Variants in BAG4 observed in about 807,000 individuals in gnomAD.
The protein encoded by BAG4 is BAG cochaperone 4, also known as BAG family molecular chaperone regulator 4.
Under a neutral mutation model 52.1 loss-of-function variants are expected in BAG4, and 28 were observed. The ratio of observed to expected loss-of-function variants is 0.54; its 90% CI spans 0.40 to 0.74. BAG4 has a LOEUF of 0.74. BAG4 is among the 30% of genes least tolerant of loss of function. The probability of loss-of-function intolerance (pLI) is 0.00; values close to 1 mark genes in which losing one functional copy is unlikely to be tolerated. For synonymous variants in BAG4, 208 were observed against 217.0 expected (o/e 0.96, Z 0.37); for missense variants, 525 against 572.0 (o/e 0.92, Z 0.84).
intron 1 of BAG4, among the ~76,000 whole-genome samples, chr8:38,184,949 C>CCAA (rs1311808361): frequency 7.2e-5 from 11 of 152,088 alleles, no homozygotes; most frequent in Non-Finnish European, 1.0e-4. Flanking sequence ...ATTAGCTGGG[C>CCAA]GTTGTGGCGC....
At chr8:38,186,102 C>T (rs576764636) in intron 1 of BAG4, among the ~76,000 whole-genome samples, 2 of 152,128 alleles carry the variant, frequency 1.3e-5, no homozygotes, top group Non-Finnish European at 2.9e-5. Flanking sequence ...CATTTTGCCT[C>T]AGATGCCTGT....
chr8:38,196,844 A>G (rs1481387396), intron 2 of BAG4, among the ~76,000 whole-genome samples: 2 of 152,132 alleles, frequency 1.3e-5, no homozygotes, highest in African/African-American at 4.8e-5. Flanking sequence ...TGGGAGGCCA[A>G]GGTGGGCAGA....
intron 1 of BAG4, among the ~76,000 whole-genome samples, chr8:38,177,360 T>TA (rs1803179790): frequency 6.6e-6 from 1 of 152,166 alleles, no homozygotes; most frequent in South Asian, 2.1e-4. Flanking sequence ...TATTACCATT[T>TA]AAAAAAGAAA....
At chr8:38,180,778 T>TG (rs1351997806) in intron 1 of BAG4, among the ~76,000 whole-genome samples, 5 of 152,100 alleles carry the variant, frequency 3.3e-5, no homozygotes, top group African/African-American at 4.8e-5. Context: ...GACTTACTGC[T>TG]GCAATTTATT....
In BAG4 at chr8:38,181,886, C is replaced by CAAAA. The variant is rs34268146; in HGVS notation, c.270+4774_270+4777dup. Among the ~76,000 whole-genome samples, 85 of 37,278 alleles carry CAAAA rather than the reference C, an allele frequency of 2.3e-3. 5 individuals are homozygous for CAAAA. Among genetic ancestry groups the CAAAA allele is most frequent in the Admixed American group, 2.9e-3 (6 of 2,048 alleles). 24.5% of individuals were successfully genotyped at this position (37,278 alleles called of 152,430 possible). A position where few individuals can be genotyped will look rare whatever the true frequency, so the allele number is the denominator to read the frequency against. On this transcript the variant is annotated intron_variant, in intron 1 of 4. Transcript: ENST00000287322. ...CCTGGGCTGCCTAGCGAGACTATCT[C>CAAAA]AAAAAAAAAAAAAAAAAAAAAAAAA... is the stretch of plus-strand genomic sequence containing the variant.
intron 2 of BAG4, among the ~76,000 whole-genome samples, chr8:38,203,370 C>A (rs1285731560): frequency 6.6e-6 from 1 of 151,358 alleles, no homozygotes; most frequent in East Asian, 1.9e-4. Flanking sequence ...GCAAGCTCCG[C>A]CTCCCGAGTT....
chr8:38,177,390 A>C (rs1803180700), intron 1 of BAG4, among the ~76,000 whole-genome samples: 1 of 152,234 alleles, frequency 6.6e-6, no homozygotes, highest in Non-Finnish European at 1.5e-5. Context: ...CGGACTTACT[A>C]AGCTTAGCAG....
chr8:38,186,426 T>C (rs899564752), intron 1 of BAG4, among the ~76,000 whole-genome samples: 2 of 152,162 alleles, frequency 1.3e-5, no homozygotes, highest in Non-Finnish European at 2.9e-5. Flanking sequence ...TAGCTCCTAA[T>C]CTTTTCCTAA....
At chr8:38,188,522 GTAC>G (rs772930357) in intron 1 of BAG4, among the ~76,000 whole-genome samples, 34 of 151,144 alleles carry the variant, frequency 2.2e-4, no homozygotes, top group Non-Finnish European at 4.1e-4. Context: ...CCAAAAATAT[GTAC>G]TACTTTTATT....
intron 3 of BAG4, among the ~76,000 whole-genome samples, chr8:38,208,655 C>A (rs1803816390): frequency 6.6e-6 from 1 of 152,138 alleles, no homozygotes; most frequent in Admixed American, 6.5e-5. Context: ...ATGTTTATTT[C>A]TCTGTTCACT....
At chr8:38,199,152 G>A (rs921884554) in intron 2 of BAG4, among the ~76,000 whole-genome samples, 28 of 152,186 alleles carry the variant, frequency 1.8e-4, no homozygotes, top group African/African-American at 6.5e-4. Flanking sequence ...CTGGCACACA[G>A]CAAGTTTGTT....
chr8:38,191,918 T>C (rs1413425022), intron 1 of BAG4, among the ~76,000 whole-genome samples: 1 of 152,324 alleles, frequency 6.6e-6, no homozygotes, highest in Non-Finnish European at 1.5e-5. Context: ...TTGCAAATCA[T>C]GCGTTAACTT....
At chr8:38,206,437 G>A (rs1287259674) in intron 2 of BAG4, among the ~76,000 whole-genome samples, 1 of 152,020 alleles carries the variant, frequency 6.6e-6, no homozygotes, top group Non-Finnish European at 1.5e-5. Flanking sequence ...ACTACAGTGA[G>A]CAATATATGA....
chr8:38,205,918 T>C (rs539952035), intron 2 of BAG4, among the ~76,000 whole-genome samples: 7 of 152,024 alleles, frequency 4.6e-5, no homozygotes, highest in Non-Finnish European at 8.8e-5. Flanking sequence ...TTTTTAAAAA[T>C]TACTTTTTTT....
intron 2 of BAG4, chr8:38,201,944 A>G (rs979178097): frequency 7.7e-6 from 1 of 129,276 alleles, no homozygotes; most frequent in Non-Finnish European, 1.5e-5. Flanking sequence ...TGTCTGACCA[A>G]TCTTCCAAGT....
In BAG4 at chr8:38,209,079, C is replaced by A. The variant is rs1803824407; in HGVS notation, c.700C>A (p.Pro234Thr). The A allele has an allele frequency of 9.3e-6, 15 of 1,614,058 alleles. No homozygotes were observed. Among genetic ancestry groups the A allele is most frequent in the Non-Finnish European group, 1.1e-5 (13 of 1,180,044 alleles). Residue 234 changes from proline to threonine, a missense_variant, in exon 4 of 5, where the codon CCG (proline) becomes ACG (threonine). By Grantham distance (38) the Pro-to-Thr change is conservative. Coordinates refer to ENST00000287322, the MANE Select transcript of BAG4 (RefSeq NM_004874.4). ...TAATCGTAGTGTTCCACAATCAGGACCGACTGTACGACCACAAGAAGATGC... is the reference window on the plus strand; with the variant it reads ...TAATCGTAGTGTTCCACAATCAGGAACGACTGTACGACCACAAGAAGATGC... ...DGNRSVPQSGPTVRPQEDAWA... is the reference protein window; with the variant it reads ...DGNRSVPQSGTTVRPQEDAWA...
intron 2 of BAG4, chr8:38,201,837 TATATATATATATA>T (rs1803667057): frequency 2.3e-4 from 2 of 8,832 alleles, no homozygotes; most frequent in Non-Finnish European, 3.8e-4. Context: ...GTGGAATTTA[TATATATATATATA>T]TATATATATA....
intron 2 of BAG4, among the ~76,000 whole-genome samples, chr8:38,203,544 A>G (rs1351342443): frequency 1.3e-5 from 2 of 152,086 alleles, no homozygotes; most frequent in African/African-American, 4.8e-5. Flanking sequence ...TGGCCTCCCA[A>G]AGTGCTCAGA....
At chr8:38,185,599 A>T (rs1463001099) in intron 1 of BAG4, among the ~76,000 whole-genome samples, 1 of 152,170 alleles carries the variant, frequency 6.6e-6, no homozygotes, top group Non-Finnish European at 1.5e-5. Context: ...TCTGTCACCC[A>T]GGCTGGAGTA....
Sources: allele counts gnomAD v4.1 joint callset (sites outside exome capture counted in the v4.1 genomes callset), GRCh38; gene constraint gnomAD v4.1.1; transcripts MANE v1.5; gene names NCBI Gene and HGNC (gene_info 2026-07-23, HGNC 2026-07-21).